The following DAB1 variants were observed in gnomAD, a reference collection of about 807,000 sequenced individuals.
DAB1 encodes DAB adaptor protein 1, also known as disabled homolog 1.
In DAB1, 15 loss-of-function variants were observed where a neutral mutation model predicts 64.6. That is an observed-to-expected ratio of 0.23 (90% CI 0.16 to 0.36). The LOEUF is 0.36. Ranked by LOEUF, DAB1 falls within the 10% of genes least tolerant of loss-of-function variation. The pLI, the probability that DAB1 is intolerant of heterozygous loss-of-function variation, is 1.00. For missense variants in DAB1, 596 were observed against 706.7 expected, an observed-to-expected ratio of 0.84 and a Z score of 1.78; for synonymous variants, 235 against 251.9, an observed-to-expected ratio of 0.93 and a Z score of 0.64.
chr1:57,436,207 A>G (rs139140416), intron 7 of DAB1, among the ~76,000 whole-genome samples: 24,881 of 151,690 alleles, frequency 0.16, 2,198 homozygotes, highest in African/African-American at 0.23. Flanking sequence ...GTGAGCCACC[A>G]TGCCCGGCTG....
At chr1:57,212,359 C>CTTTTTTTTT (rs57653531) in intron 2 of DAB1, among the ~76,000 whole-genome samples, 1 of 82,176 alleles carries the variant, frequency 1.2e-5, no homozygotes, top group Non-Finnish European at 2.2e-5. Flanking sequence ...ATATTATTTC[C>CTTTTTTTTT]TTTTTTTTTT....
chr1:57,290,558 A>T (rs1020041776), intron 2 of DAB1, among the ~76,000 whole-genome samples: 1 of 152,188 alleles, frequency 6.6e-6, no homozygotes, highest in African/African-American at 2.4e-5. Context: ...GTGGTTAGGC[A>T]GAGATGTTGC....
rs184642814 is a variant in DAB1, at chr1:58,028,330, T to C, written n.387+122181A>G. Among the ~76,000 whole-genome samples, 436 of 152,326 alleles carry C rather than the reference T, an allele frequency of 2.9e-3. 1 individual carries two copies. The highest frequency in any genetic ancestry group is 9.8e-3 in the African/African-American group (406 of 41,576). On this transcript the variant is annotated intron_variant and non_coding_transcript_variant, in intron 5 of 20. Transcript: ENST00000485760. Reference sequence around the variant, plus strand: ...TTTAAAGACATCTTACTTCATATATTTTGTTGATTCATTAACATTGAACTC... The same window carrying C: ...TTTAAAGACATCTTACTTCATATATCTTGTTGATTCATTAACATTGAACTC...
At chr1:57,624,439 G>A (rs948295058) in intron 7 of DAB1, among the ~76,000 whole-genome samples, 1 of 152,184 alleles carries the variant, frequency 6.6e-6, no homozygotes, top group South Asian at 2.1e-4. Flanking sequence ...CATACTCAAT[G>A]AGACAAGGAG....
At chr1:57,477,835 T>C (rs1212266823) in intron 7 of DAB1, among the ~76,000 whole-genome samples, 1 of 152,212 alleles carries the variant, frequency 6.6e-6, no homozygotes, top group Non-Finnish European at 1.5e-5. Flanking sequence ...GATTCTATTA[T>C]GATAAACTTT....
At chr1:57,072,124 G>A (rs1651536679) in intron 5 of DAB1, among the ~76,000 whole-genome samples, 159 bp downstream of exon 5, 1 of 151,238 alleles carries the variant, frequency 6.6e-6, no homozygotes, top group African/African-American at 2.4e-5. Context: ...CTTGCTCCAA[G>A]GCTGTTTATC....
Position 57,838,166 on chromosome 1 carries a change from G to A in DAB1, n.88-11711C>T, listed in dbSNP as rs575860827. 6.6e-4 allele frequency among the ~76,000 whole-genome samples: 100 copies of A among 152,178 alleles called. 1 individual carries two copies. Among genetic ancestry groups the A allele is most frequent in the East Asian group, 9.7e-4 (5 of 5,172 alleles). On this transcript the variant is annotated intron_variant and non_coding_transcript_variant, in intron 1 of 1. Transcript: ENST00000477280. ...TGGAGCTCTCTGAATGTTCTAGGCC[G>A]CCTTATCCCTGTGCCCATGGAATAT...
Position 58,167,942 on chromosome 1 carries a change from A to C in DAB1, n.310-17354T>G, listed in dbSNP as rs142477575. Among the ~76,000 whole-genome samples, 558 of 152,346 alleles carry C rather than the reference A, an allele frequency of 3.7e-3. 1 individual carries two copies. The highest frequency in any genetic ancestry group is 0.017 in the Middle Eastern group (5 of 294). ...ACTCACTGTGAGGGTCCACAGCTTCATTCTTGAAGTCAGCGAGACAAAGAA... is the reference window on the plus strand; with the variant it reads ...ACTCACTGTGAGGGTCCACAGCTTCCTTCTTGAAGTCAGCGAGACAAAGAA... On this transcript the variant is annotated intron_variant and non_coding_transcript_variant, in intron 4 of 20. Transcript: ENST00000485760.
intron 2 of DAB1, among the ~76,000 whole-genome samples, chr1:57,181,402 A>C (rs1450599532): frequency 1.3e-5 from 2 of 152,210 alleles, no homozygotes; most frequent in Admixed American, 1.3e-4. Flanking sequence ...CTGATAATCA[A>C]TGAGACTTCT....
intron 6 of DAB1, among the ~76,000 whole-genome samples, chr1:57,799,894 T>C (rs1283858297): frequency 6.6e-6 from 1 of 152,164 alleles, no homozygotes; most frequent in Non-Finnish European, 1.5e-5. Flanking sequence ...AAATGAGTAG[T>C]GACAACAGAA....
chr1:57,903,733 G>T (rs1157986691), intron 5 of DAB1, among the ~76,000 whole-genome samples: 1 of 152,196 alleles, frequency 6.6e-6, no homozygotes, highest in Non-Finnish European at 1.5e-5. Flanking sequence ...GCTCCCAGCA[G>T]GTTGTGGGTG....
intron 1 of DAB1, among the ~76,000 whole-genome samples, chr1:57,351,528 T>C (rs1678590020): frequency 6.6e-6 from 1 of 152,090 alleles, no homozygotes; most frequent in Non-Finnish European, 1.5e-5. Context: ...TAAGAATTGC[T>C]GCAAGCAATT....
intron 5 of DAB1, among the ~76,000 whole-genome samples, chr1:57,976,323 C>A (rs924867566): frequency 6.6e-6 from 1 of 152,194 alleles, no homozygotes; most frequent in African/African-American, 2.4e-5. Context: ...CCTCCTCTGT[C>A]TCCTTCATTT....
chr1:57,302,928 G>A (rs1392523184), intron 1 of DAB1, among the ~76,000 whole-genome samples: 2 of 152,188 alleles, frequency 1.3e-5, no homozygotes, highest in Non-Finnish European at 2.9e-5. Flanking sequence ...TTTGTTCACT[G>A]CAAAATGCGA....
At chr1:58,174,100 T>C (rs1264819612) in intron 4 of DAB1, among the ~76,000 whole-genome samples, 1 of 152,128 alleles carries the variant, frequency 6.6e-6, no homozygotes, top group African/African-American at 2.4e-5. Flanking sequence ...CTAGACCTCC[T>C]CACTGCTGAG....
intron 2 of DAB1, among the ~76,000 whole-genome samples, chr1:57,287,355 A>G (rs485723): frequency 0.49 from 74,828 of 152,122 alleles, 19,358 homozygotes; most frequent in African/African-American, 0.63. Context: ...GACTATAGGC[A>G]TGAGCCACCA....
At chr1:57,143,625 T>C (rs144776724) in intron 3 of DAB1, among the ~76,000 whole-genome samples, 13 of 152,236 alleles carry the variant, frequency 8.5e-5, no homozygotes, top group Admixed American at 8.5e-4. Flanking sequence ...AATTAAGTTT[T>C]AAAAATCATG....
intron 4 of DAB1, among the ~76,000 whole-genome samples, chr1:58,258,933 C>T (rs1660992048): frequency 6.6e-6 from 1 of 152,128 alleles, no homozygotes; most frequent in African/African-American, 2.4e-5. Context: ...GCCCTTAACA[C>T]TCAGTAGATA....
intron 1 of DAB1, among the ~76,000 whole-genome samples, chr1:57,336,296 T>G (rs1306778164): frequency 6.6e-6 from 1 of 152,120 alleles, no homozygotes; most frequent in Non-Finnish European, 1.5e-5. Context: ...CAAGAAGAAA[T>G]TAAAATGACA....
Sources: gnomAD v4.1 joint callset for allele counts (sites outside exome capture counted in the v4.1 genomes callset) on GRCh38, gnomAD v4.1.1 for gene constraint, MANE v1.5 for transcripts, NCBI Gene and HGNC (gene_info 2026-07-23, HGNC 2026-07-21) for gene names.